Variants in DSCAM observed in about 807,000 individuals in gnomAD.
DSCAM encodes cell adhesion molecule DSCAM.
A neutral mutation model predicts 217.7 loss-of-function variants in DSCAM; 47 were observed. That is an observed-to-expected ratio of 0.22 (90% CI 0.17 to 0.28). The LOEUF (loss-of-function observed/expected upper bound fraction) is 0.28. DSCAM is among the 10% of genes least tolerant of loss of function. DSCAM has a pLI of 1.00. For missense variants in DSCAM, 2,080 were observed against 2,618.3 expected (o/e 0.79, Z 4.49); for synonymous variants, 1,056 against 1,015.3 (o/e 1.04, Z -0.76).
intron 1 of DSCAM, among the ~76,000 whole-genome samples, chr21:40,759,086 G>C (rs2091304559): frequency 6.6e-6 from 1 of 152,156 alleles, no homozygotes; most frequent in Non-Finnish European, 1.5e-5. Context: ...ACAAAAAGGA[G>C]AGGGAGAGAA....
intron 3 of DSCAM, among the ~76,000 whole-genome samples, chr21:40,471,668 A>C (rs1380848809): frequency 6.6e-6 from 1 of 152,202 alleles, no homozygotes; most frequent in Non-Finnish European, 1.5e-5. Context: ...CTGGCTCCCA[A>C]GTAGCCTGGT....
intron 3 of DSCAM, among the ~76,000 whole-genome samples, chr21:40,411,738 G>T (rs528412238): frequency 6.6e-6 from 1 of 152,062 alleles, no homozygotes; most frequent in African/African-American, 2.4e-5. Flanking sequence ...AATGAAATAC[G>T]AGATGCCACT....
At chr21:40,526,562 G>T (rs972498476) in intron 3 of DSCAM, among the ~76,000 whole-genome samples, 2 of 152,084 alleles carry the variant, frequency 1.3e-5, no homozygotes, top group Admixed American at 6.5e-5. Context: ...GAGATGGCAT[G>T]GTAGGTGAGG....
At chr21:40,677,993 T>C (rs915879271) in intron 3 of DSCAM, among the ~76,000 whole-genome samples, 2 of 152,210 alleles carry the variant, frequency 1.3e-5, no homozygotes, top group Non-Finnish European at 2.9e-5. Context: ...TAATACTTTT[T>C]TTTCAGAAAT....
intron 32 of DSCAM, among the ~76,000 whole-genome samples, chr21:40,026,419 G>A (rs2088384573): frequency 7.2e-6 from 1 of 139,556 alleles, no homozygotes; most frequent in African/African-American, 2.7e-5. Context: ...TCAATTCCTG[G>A]GTATCCTTGT....
At chr21:40,575,028 T>G (rs2076837903) in intron 3 of DSCAM, among the ~76,000 whole-genome samples, 1 of 152,194 alleles carries the variant, frequency 6.6e-6, no homozygotes, top group African/African-American at 2.4e-5. Flanking sequence ...CACACTCAGA[T>G]GTCCTGAAGT....
chr21:40,752,593 G>A lies in DSCAM; in HGVS notation c.44-43822C>T, dbSNP rs146969409. The stretch of plus-strand genomic sequence containing the variant: ...TCCTAGATACTGAGAAGGCTGAGGC[G>A]AGAGGAGCACCTGAGCCCAGGAGTT... On this transcript the variant is annotated intron_variant, in intron 1 of 32. Transcript: ENST00000400454. 3.5e-3 allele frequency among the ~76,000 whole-genome samples: 533 copies of A among 152,264 alleles called. 4 individuals carry two copies. The highest frequency in any genetic ancestry group is 0.012 in the African/African-American group (512 of 41,546).
chr21:40,292,384 T>G (rs1190876885), intron 10 of DSCAM, among the ~76,000 whole-genome samples: 3 of 152,110 alleles, frequency 2.0e-5, no homozygotes, highest in Non-Finnish European at 1.5e-5. Flanking sequence ...AGTGATCATT[T>G]CATTGAAAGA....
At chr21:40,194,013 T>G (rs1268358233) in intron 11 of DSCAM, among the ~76,000 whole-genome samples, 1 of 152,224 alleles carries the variant, frequency 6.6e-6, no homozygotes, top group Non-Finnish European at 1.5e-5. Flanking sequence ...GACTTGTTTG[T>G]TTTCTTCTCT....
intron 11 of DSCAM, among the ~76,000 whole-genome samples, chr21:40,233,668 T>G (rs1174165821): frequency 6.6e-6 from 1 of 152,160 alleles, no homozygotes; most frequent in Non-Finnish European, 1.5e-5. Flanking sequence ...ACCTGGTGTA[T>G]GCCCTTTCAT....
intron 11 of DSCAM, among the ~76,000 whole-genome samples, chr21:40,193,074 G>C (rs1466385497): frequency 1.3e-5 from 2 of 152,186 alleles, no homozygotes; most frequent in Admixed American, 6.5e-5. Flanking sequence ...GGAATAAGAG[G>C]AGGTGTTAAG....
intron 30 of DSCAM, among the ~76,000 whole-genome samples, chr21:40,047,405 A>G (rs1373527719): frequency 1.3e-5 from 2 of 152,208 alleles, no homozygotes; most frequent in Non-Finnish European, 2.9e-5. Context: ...GCATTCTAAT[A>G]TAAATAAAAC....
At chr21:40,191,179 G>C (rs2090949145) in intron 11 of DSCAM, among the ~76,000 whole-genome samples, 1 of 152,158 alleles carries the variant, frequency 6.6e-6, no homozygotes. Context: ...GCTTACTAGA[G>C]AGGTTTGAGA....
chr21:40,259,275 T>C (rs1273799278), intron 11 of DSCAM, among the ~76,000 whole-genome samples: 1 of 128,998 alleles, frequency 7.8e-6, no homozygotes, highest in African/African-American at 3.6e-5. Flanking sequence ...TTTAATGAAC[T>C]CTTTTTTTTT....
At chr21:40,537,543 C>T (rs2076509016) in intron 3 of DSCAM, among the ~76,000 whole-genome samples, 1 of 152,128 alleles carries the variant, frequency 6.6e-6, no homozygotes, top group Admixed American at 6.5e-5. Context: ...TACCTCTGTC[C>T]TTATTTGGAA....
rs1449305976 is a variant in DSCAM, at chr21:40,613,162, T to C, written c.508+79648A>G. On this transcript the variant is annotated intron_variant, in intron 3 of 32. Transcript: ENST00000400454. ...ATGGTCAAGTGGCTTAAAAATAAAATTAAGTTAGATAAAGATTAAAACATA... is the reference window on the plus strand; with the variant it reads ...ATGGTCAAGTGGCTTAAAAATAAAACTAAGTTAGATAAAGATTAAAACATA... 3.9e-5 allele frequency among the ~76,000 whole-genome samples: 6 copies of C among 152,182 alleles called. No homozygotes were observed. The South Asian group carries it at 6.2e-4, about 16-fold the overall frequency.
intron 3 of DSCAM, among the ~76,000 whole-genome samples, chr21:40,624,776 CCA>C (rs1301559408): frequency 7.0e-6 from 1 of 143,774 alleles, no homozygotes; most frequent in African/African-American, 2.5e-5. Context: ...AAAAGCACAT[CCA>C]CACAAACACA....
intron 3 of DSCAM, among the ~76,000 whole-genome samples, chr21:40,659,845 A>C (rs2090120209): frequency 6.6e-6 from 1 of 152,250 alleles, no homozygotes; most frequent in South Asian, 2.1e-4. Flanking sequence ...AGAAACCATA[A>C]TTAATAATAT....
chr21:40,315,403 C>CAAAA (rs72266206), intron 8 of DSCAM, among the ~76,000 whole-genome samples: 14 of 121,282 alleles, frequency 1.2e-4, no homozygotes, highest in African/African-American at 3.9e-4. Context: ...AACTCCGTCT[C>CAAAA]AAAAAAAAAA....
Sources: allele counts gnomAD v4.1 joint callset (sites outside exome capture counted in the v4.1 genomes callset), GRCh38; gene constraint gnomAD v4.1.1; transcripts MANE v1.5; gene names NCBI Gene and HGNC (gene_info 2026-07-23, HGNC 2026-07-21).